EPM2A: variants seen among roughly 807,000 people sequenced by gnomAD.
EPM2A encodes the protein laforin.
EPM2A carries 21 observed loss-of-function variants against 26.5 expected under a neutral mutation model. The observed-to-expected ratio is 0.79, with a 90% CI of 0.56 to 1.14. EPM2A has a LOEUF of 1.14. Among genes scored for constraint, EPM2A ranks in the 50% most tolerant of loss-of-function variants. The pLI, the probability that EPM2A is intolerant of heterozygous loss-of-function variation, is 0.00. For synonymous variants in EPM2A, 217 were observed against 177.6 expected, an observed-to-expected ratio of 1.22 and a Z score of -1.76; for missense variants, 458 against 440.8, an observed-to-expected ratio of 1.04 and a Z score of -0.35.
At chr6:145,633,498 A>G (rs1776418956) in intron 3 of EPM2A, among the ~76,000 whole-genome samples, 1 of 152,122 alleles carries the variant, frequency 6.6e-6, no homozygotes, top group Admixed American at 6.5e-5. Context: ...GAATAACCAG[A>G]CTGTCAGCAG....
chr6:145,495,816 C>T (rs1291248687), intron 4 of EPM2A, among the ~76,000 whole-genome samples: 2 of 152,182 alleles, frequency 1.3e-5, no homozygotes, highest in Admixed American at 6.5e-5. Context: ...ACCTCGTGAT[C>T]TGCCCACCTC....
At chr6:145,483,565 C>T (rs999884073) in intron 4 of EPM2A, among the ~76,000 whole-genome samples, 1 of 152,034 alleles carries the variant, frequency 6.6e-6, no homozygotes, top group African/African-American at 2.4e-5. Flanking sequence ...CTAGAACAAC[C>T]TCATACTGTT....
chr6:145,509,954 T>A (rs376928418), intron 2 of EPM2A, among the ~76,000 whole-genome samples: 105 of 152,144 alleles, frequency 6.9e-4, no homozygotes, highest in African/African-American at 2.4e-3. Context: ...ATATAAAATA[T>A]ACTTTAAACC....
At chr6:145,605,989 A>C (rs1007188743) in intron 2 of EPM2A, among the ~76,000 whole-genome samples, 9 of 152,160 alleles carry the variant, frequency 5.9e-5, no homozygotes, top group African/African-American at 2.2e-4. Flanking sequence ...CCTAGCCTTT[A>C]ATCCTATAGC....
chr6:145,436,688 A>C (rs993948515), intron 4 of EPM2A, among the ~76,000 whole-genome samples: 2 of 152,182 alleles, frequency 1.3e-5, no homozygotes, highest in East Asian at 1.9e-4. Flanking sequence ...AAATTTGGTT[A>C]TCTTCACTTG....
intron 2 of EPM2A, among the ~76,000 whole-genome samples, chr6:145,507,620 G>A (rs1444223033): frequency 6.6e-6 from 1 of 152,210 alleles, no homozygotes; most frequent in Admixed American, 6.5e-5. Context: ...CTTATACAAA[G>A]GCAGTCATTG....
At chr6:145,384,680 C>G (rs1778234750) in intron 4 of EPM2A, among the ~76,000 whole-genome samples, 1 of 147,140 alleles carries the variant, frequency 6.8e-6, no homozygotes, top group East Asian at 2.0e-4. Flanking sequence ...GCACTCCCAG[C>G]AGCTGGGAGT....
downstream of EPM2A, among the ~76,000 whole-genome samples, chr6:145,499,278 C>T (rs1779858827): frequency 6.6e-6 from 1 of 152,180 alleles, no homozygotes; most frequent in South Asian, 2.1e-4. Flanking sequence ...CCCTGAGTTC[C>T]AATTAAGTTG....
chr6:145,639,651 C>T (rs117496133), intron 2 of EPM2A: 1 of 152,050 alleles, frequency 6.6e-6, no homozygotes, highest in Admixed American at 6.6e-5. Context: ...GACATATCTA[C>T]AAATTAAGGT....
intron 4 of EPM2A, among the ~76,000 whole-genome samples, chr6:145,384,918 G>C (rs9386116): frequency 0.3 from 43,336 of 146,690 alleles, 9,404 homozygotes; most frequent in Non-Finnish European, 0.36. Context: ...ACAACGACTA[G>C]GCATCTATGA....
At chr6:145,546,324 G>GGA (rs145231074) in intron 2 of EPM2A, among the ~76,000 whole-genome samples, 7 of 152,112 alleles carry the variant, frequency 4.6e-5, no homozygotes, top group African/African-American at 1.2e-4. Flanking sequence ...CAGCTTTGGG[G>GGA]GAGAGAGAGA....
downstream of EPM2A, among the ~76,000 whole-genome samples, chr6:145,500,670 A>T (rs1343561286): frequency 1.3e-5 from 2 of 152,186 alleles, no homozygotes; most frequent in Non-Finnish European, 2.9e-5. Context: ...TATATTAAAT[A>T]TATTTATGAA....
intron 2 of EPM2A, among the ~76,000 whole-genome samples, chr6:145,524,917 A>G (rs115041632): frequency 0.022 from 3,401 of 152,174 alleles, 45 homozygotes; most frequent in Admixed American, 0.031. Flanking sequence ...ACATTTAAAT[A>G]TTTAATTCAT....
chr6:145,405,664 T>C lies in EPM2A; in HGVS notation c.556-21567A>G, dbSNP rs187019985. Among the ~76,000 whole-genome samples the C allele has an allele frequency of 2.6e-5, 4 of 152,286 alleles. No homozygotes were observed. The East Asian group carries it at 5.8e-4, about 22-fold the overall frequency. On this transcript the variant is annotated intron_variant, in intron 4 of 4. Transcript: ENST00000638717. ...CAAGAATCAGGATTATTACTTTATT[T>C]AGGTTGCCTCTGAAATAAGTTGTTG...
chr6:145,662,769 A>G (rs1408245265), intron 2 of EPM2A, among the ~76,000 whole-genome samples: 1 of 152,188 alleles, frequency 6.6e-6, no homozygotes, highest in Non-Finnish European at 1.5e-5. Context: ...ACCCGATCAG[A>G]TATCAAGGAT....
At chr6:145,469,837 C>T (rs997494101) in intron 4 of EPM2A, among the ~76,000 whole-genome samples, 1 of 152,024 alleles carries the variant, frequency 6.6e-6, no homozygotes, top group African/African-American at 2.4e-5. Flanking sequence ...TACTATTCAG[C>T]CATAAAGAAG....
intron 2 of EPM2A, among the ~76,000 whole-genome samples, chr6:145,534,698 TA>T (rs1424841940): frequency 3.3e-5 from 5 of 152,226 alleles, no homozygotes; most frequent in African/African-American, 1.2e-4. Flanking sequence ...TGAAGCTTTT[TA>T]AAAGTCTAGT....
chr6:145,416,516 C>T (rs928285945), intron 4 of EPM2A, among the ~76,000 whole-genome samples: 1 of 151,938 alleles, frequency 6.6e-6, no homozygotes, highest in Non-Finnish European at 1.5e-5. Context: ...CAATGACTTG[C>T]AAGAATTAAA....
At chr6:145,564,098 A>G (rs1487299030) in intron 2 of EPM2A, among the ~76,000 whole-genome samples, 2 of 152,170 alleles carry the variant, frequency 1.3e-5, no homozygotes, top group Non-Finnish European at 2.9e-5. Flanking sequence ...GTTATGCTCC[A>G]TTGTCAAGAA....
Sources: allele counts gnomAD v4.1 joint callset (sites outside exome capture counted in the v4.1 genomes callset), GRCh38; gene constraint gnomAD v4.1.1; transcripts MANE v1.5; gene names NCBI Gene and HGNC (gene_info 2026-07-23, HGNC 2026-07-21).